HECTD2: variants seen among roughly 807,000 people sequenced by gnomAD.
HECTD2 encodes the protein probable E3 ubiquitin-protein ligase HECTD2.
Under a neutral mutation model 103.2 loss-of-function variants are expected in HECTD2, and 35 were observed. That is an observed-to-expected ratio of 0.34 (90% CI 0.26 to 0.45). The LOEUF is 0.45. Among genes scored for constraint, HECTD2 ranks in the 20% least tolerant of loss-of-function variants. The pLI, the probability that HECTD2 is intolerant of heterozygous loss-of-function variation, is 1.00. For missense variants in HECTD2, 596 were observed against 937.4 expected (o/e 0.64, Z 4.76); for synonymous variants, 281 against 329.9 (o/e 0.85, Z 1.61).
intron 2 of HECTD2, 105 bp downstream of exon 2, chr10:91,425,515 A>T (rs1355919334): frequency 9.0e-6 from 7 of 781,196 alleles, no homozygotes; most frequent in Non-Finnish European, 9.0e-6. Context: ...AGTTAATACA[A>T]CAAAAAGAAG....
chr10:91,473,374 A>C (rs1408125229), intron 5 of HECTD2, among the ~76,000 whole-genome samples: 2 of 152,200 alleles, frequency 1.3e-5, no homozygotes, highest in Admixed American at 6.5e-5. Flanking sequence ...GACTTTCAAG[A>C]ATGAGGGTGA....
At chr10:91,428,403 G>T (rs4537675) in intron 2 of HECTD2, among the ~76,000 whole-genome samples, 1 of 149,434 alleles carries the variant, frequency 6.7e-6, no homozygotes, top group Non-Finnish European at 1.5e-5. Context: ...GTTTTTTCCA[G>T]TTCTGTGAAG....
At chr10:91,491,063 A>G (rs1024108205) in intron 11 of HECTD2, 137 bp from the exon 12 acceptor site, 1 of 490,042 alleles carries the variant, frequency 2.0e-6, no homozygotes, top group East Asian at 3.8e-5. Context: ...CAAAATGTGT[A>G]TAATTGATTT....
intron 20 of HECTD2, among the ~76,000 whole-genome samples, chr10:91,510,806 A>T (rs1470641205): frequency 2.0e-5 from 3 of 152,232 alleles, no homozygotes; most frequent in Non-Finnish European, 2.9e-5. Context: ...TGCGTAAAAA[A>T]TTAAGAATGT....
At position 91,498,123 on chromosome 10, in the gene HECTD2, T is replaced by C. The variant is rs904048573; in HGVS notation, c.1696T>C (p.Leu566=). Residue 566 remains leucine (L), a synonymous_variant, in exon 16 of 21, where the codon TTA becomes CTA. Coordinates refer to ENST00000298068, the MANE Select transcript of HECTD2 (RefSeq NM_182765.6). ...CQIMPELAHG[L]SELLSHEGNV... is the part of the protein sequence containing the mutation. The stretch of plus-strand genomic sequence containing the variant: ...CTTTTTATAGGAGTTGGCCCATGGA[T>C]TAAGTGAACTCTTATCACATGAAGG... 1.2e-6 allele frequency: 2 copies of C among 1,610,408 alleles called. No individual in the cohort carries two copies. The highest frequency in any genetic ancestry group is 1.7e-6 in the Non-Finnish European group (2 of 1,176,892).
chr10:91,449,494 A>G (rs1316871033), intron 2 of HECTD2, among the ~76,000 whole-genome samples: 1 of 152,158 alleles, frequency 6.6e-6, no homozygotes, highest in Non-Finnish European at 1.5e-5. Context: ...GAAGACAAGG[A>G]CGCCCTCTCT....
In HECTD2 at chr10:91,485,280, G is replaced by T; in HGVS notation, c.1071G>T (p.Trp357Cys). ...HIDLMEEYHT[W>C]QNFGNSHRFS... is the part of the protein sequence containing the mutation. The stretch of plus-strand genomic sequence containing the variant: ...ATCTCATGGAAGAATATCATACTTG[G>T]CAAAACTTTGGAAACTCTCACAGGT... The change falls in exon 10 of 21, where the codon TGG (tryptophan) becomes TGT (cysteine). Residue 357 changes from tryptophan to cysteine, a missense_variant. Trp to Cys is a radical substitution (Grantham distance 215). This residue lies in a region of HECTD2 where 303 missense variants were observed against 522.5 expected (regional missense o/e 0.58). Transcript: ENST00000298068. 1 of 1,591,502 alleles carries T rather than the reference G, an allele frequency of 6.3e-7. No homozygotes were observed. Among genetic ancestry groups the T allele is most frequent in the Non-Finnish European group, 8.5e-7 (1 of 1,171,630 alleles).
chr10:91,452,838 C>T (rs1179148581), intron 2 of HECTD2, among the ~76,000 whole-genome samples: 1 of 151,950 alleles, frequency 6.6e-6, no homozygotes, highest in Non-Finnish European at 1.5e-5. Flanking sequence ...GAATCCTATA[C>T]CTGATGAAAA....
intron 1 of HECTD2, among the ~76,000 whole-genome samples, chr10:91,420,891 G>C (rs1404034848): frequency 5.9e-5 from 9 of 152,262 alleles, no homozygotes; most frequent in African/African-American, 2.2e-4. Context: ...GCCTACCTCA[G>C]CTCTAGTCCA....
At chr10:91,463,408 G>A (rs1845424705) in intron 5 of HECTD2, 1 of 152,150 alleles carries the variant, frequency 6.6e-6, no homozygotes, top group African/African-American at 2.4e-5. Flanking sequence ...TGGCAGAGGT[G>A]AAAGAAAATA....
At chr10:91,458,274 A>G (rs1564717170) in intron 2 of HECTD2, among the ~76,000 whole-genome samples, 1 of 152,010 alleles carries the variant, frequency 6.6e-6, no homozygotes, top group Non-Finnish European at 1.5e-5. Context: ...GGTGAAAGAA[A>G]TTAAGATCTA....
At chr10:91,508,717 G>A (rs1047524422) in intron 20 of HECTD2, among the ~76,000 whole-genome samples, 3 of 149,634 alleles carry the variant, frequency 2.0e-5, no homozygotes, top group African/African-American at 2.5e-5. Flanking sequence ...TCAGTGTGGC[G>A]ATTCCTCAGG....
At chr10:91,434,532 G>A (rs1030401885) in intron 2 of HECTD2, among the ~76,000 whole-genome samples, 2 of 151,902 alleles carry the variant, frequency 1.3e-5, no homozygotes, top group African/African-American at 2.4e-5. Context: ...ATCTTGAGTC[G>A]TAAAGTGCCA....
intron 15 of HECTD2, among the ~76,000 whole-genome samples, chr10:91,497,380 T>A (rs1190968136): frequency 1.4e-5 from 2 of 140,688 alleles, no homozygotes; most frequent in African/African-American, 2.6e-5. Context: ...AACCTCCACC[T>A]CCCAGGTCCG....
intron 20 of HECTD2, among the ~76,000 whole-genome samples, chr10:91,503,440 C>T (rs1161410845): frequency 6.6e-6 from 1 of 152,222 alleles, no homozygotes; most frequent in Admixed American, 6.5e-5. Context: ...CGAGCCGAAG[C>T]AGGGCGAGGC....
intron 11 of HECTD2, chr10:91,488,898 TTG>T (rs1192860858): frequency 6.6e-6 from 1 of 152,146 alleles, no homozygotes; most frequent in Non-Finnish European, 1.5e-5. Context: ...AGCACCAGAA[TTG>T]TTACTTGATC....
intron 11 of HECTD2, among the ~76,000 whole-genome samples, chr10:91,490,890 CAAAAAAAAAAAAAAAA>C (rs61035151): frequency 5.9e-4 from 8 of 13,614 alleles, no homozygotes; most frequent in African/African-American, 1.6e-3. Context: ...GACTCCGTCT[CAAAAAAAAAAAAAAAA>C]AAAAAAAAAA....
intron 20 of HECTD2, 46 bp from the exon 21 acceptor site, chr10:91,512,216 TTG>T (rs766220437): frequency 3.1e-6 from 5 of 1,590,824 alleles, no homozygotes; most frequent in South Asian, 2.3e-5. Flanking sequence ...AGCAGTCATT[TTG>T]TGTGTGTTTC....
At chr10:91,453,427 T>A (rs1254078422) in intron 2 of HECTD2, among the ~76,000 whole-genome samples, 1 of 152,060 alleles carries the variant, frequency 6.6e-6, no homozygotes, top group African/African-American at 2.4e-5. Flanking sequence ...CAAGACCCTG[T>A]CACACACACA....
Sources: allele counts gnomAD v4.1 joint callset (sites outside exome capture counted in the v4.1 genomes callset), GRCh38; gene constraint gnomAD v4.1.1; regional missense constraint gnomAD v4.1.1; transcripts MANE v1.5; gene names NCBI Gene and HGNC (gene_info 2026-07-23, HGNC 2026-07-21).